Variants in SMG6 observed in about 807,000 individuals in gnomAD.
SMG6 encodes the protein SMG6 nonsense mediated mRNA decay factor.
A neutral mutation model predicts 142.2 loss-of-function variants in SMG6; 66 were observed. The ratio of observed to expected loss-of-function variants is 0.46; its 90% CI spans 0.38 to 0.57. The LOEUF is 0.57. SMG6 is among the 20% of genes least tolerant of loss of function. SMG6 has a pLI of 0.00. For synonymous variants in SMG6, 779 were observed against 702.4 expected (o/e 1.11, Z -1.72); for missense variants, 1,793 against 1,832.0 (o/e 0.98, Z 0.39).
At chr17:2,284,291 G>C (rs143423704) in intron 6 of SMG6, among the ~76,000 whole-genome samples, 28 of 152,262 alleles carry the variant, frequency 1.8e-4, no homozygotes, top group Middle Eastern at 6.8e-3. Context: ...GGTTTACAAA[G>C]TGTTGTCCAC....
At chr17:2,211,556 C>T (rs1483856573) in intron 10 of SMG6, among the ~76,000 whole-genome samples, 2 of 150,832 alleles carry the variant, frequency 1.3e-5, no homozygotes, top group South Asian at 2.1e-4. Context: ...CTCAGCTACT[C>T]GGGAGGCTGA....
At chr17:2,225,278 G>C (rs1035904401) in intron 10 of SMG6, among the ~76,000 whole-genome samples, 5 of 147,980 alleles carry the variant, frequency 3.4e-5, no homozygotes, top group African/African-American at 1.3e-4. Context: ...AGGAGTTCGA[G>C]ACCAACCTGG....
At chr17:2,213,591 T>C (rs748108780) in intron 10 of SMG6, 1 of 152,206 alleles carries the variant, frequency 6.6e-6, no homozygotes, top group Non-Finnish European at 1.5e-5. Context: ...AGAATGAGGA[T>C]GCACTGCCAA....
At position 2,081,968 on chromosome 17, in the gene SMG6, G is replaced by A. The variant is rs762521760; in HGVS notation, c.3535-12C>T. On this transcript the variant is annotated splice_polypyrimidine_tract_variant and intron_variant, in intron 14 of 18. Transcript: ENST00000263073. ...ACCACATCCTCCTCCTTTGGGTGGT[G>A]GAGCCGACCAGGACAAAGAGGAGAC... 2.0e-5 allele frequency: 32 copies of A among 1,614,000 alleles called. No individual in the cohort carries two copies. In the South Asian group the frequency reaches 3.2e-4, roughly 16 times the overall value.
chr17:2,297,899 T>C lies in SMG6; in HGVS notation c.2004A>G (p.Glu668=), dbSNP rs775530680. 6.2e-7 allele frequency: 1 copy of C among 1,612,596 alleles called. No individual in the cohort carries two copies. Among genetic ancestry groups the C allele is most frequent in the African/African-American group, 1.3e-5 (1 of 75,062 alleles). ...LVKDPNVENP[E]QIRNRLLELL... is the part of the protein sequence containing the mutation. The stretch of plus-strand genomic sequence containing the variant: ...GCTCCAAAAGTCTGTTCCGAATCTG[T>C]TCTGGGTTCTCAACATTCGGATCCT... The change falls in exon 3 of 19, where the codon GAA becomes GAG. Residue 668 remains glutamate, a synonymous_variant. Transcript: ENST00000263073.
At chr17:2,225,211 C>T (rs1247089617) in intron 10 of SMG6, among the ~76,000 whole-genome samples, 1 of 151,886 alleles carries the variant, frequency 6.6e-6, no homozygotes, top group Non-Finnish European at 1.5e-5. Flanking sequence ...GGCGCAGTGG[C>T]TCACACCTGT....
At position 2,060,575 on chromosome 17, in the gene SMG6, G is replaced by A. The variant is rs962930037; in HGVS notation, c.*917C>T. On this transcript the variant is annotated 3_prime_UTR_variant, in exon 19 of 19. Transcript: ENST00000263073. ...GTGAAGAAATGAAGGGGATCAGGGA[G>A]GTGAAAAGGATCAACTAGAAGGGGA... 1 of 152,386 alleles carries A rather than the reference G, an allele frequency of 6.6e-6. No homozygotes were observed. Among genetic ancestry groups the A allele is most frequent in the African/African-American group, 2.4e-5 (1 of 41,432 alleles). 9.4% of individuals were successfully genotyped at this position (152,386 alleles called of 1,614,324 possible).
intron 9 of SMG6, among the ~76,000 whole-genome samples, chr17:2,240,516 T>C (rs1394827705): frequency 6.6e-6 from 1 of 151,682 alleles, no homozygotes; most frequent in Admixed American, 6.6e-5. Flanking sequence ...CTACAGAACA[T>C]AAGGACTGGA....
intron 13 of SMG6, among the ~76,000 whole-genome samples, chr17:2,123,177 C>G (rs1435978661): frequency 6.6e-6 from 1 of 152,222 alleles, no homozygotes; most frequent in Non-Finnish European, 1.5e-5. Flanking sequence ...AAGGGCTTCC[C>G]CAGGCCTGGG....
At chr17:2,272,551 A>G (rs910124260) in intron 8 of SMG6, among the ~76,000 whole-genome samples, 1 of 152,216 alleles carries the variant, frequency 6.6e-6, no homozygotes, top group Non-Finnish European at 1.5e-5. Context: ...ACATGCACAG[A>G]GCAGCACAAA....
chr17:2,173,960 A>G (rs1307537213), intron 12 of SMG6, among the ~76,000 whole-genome samples: 1 of 151,098 alleles, frequency 6.6e-6, no homozygotes, highest in East Asian at 1.9e-4. Flanking sequence ...AAAGCACCTA[A>G]CCAGGAGTCT....
intron 13 of SMG6, among the ~76,000 whole-genome samples, chr17:2,154,950 C>A (rs2070955031): frequency 6.6e-6 from 1 of 151,952 alleles, no homozygotes; most frequent in Non-Finnish European, 1.5e-5. Context: ...TGGGAGGATC[C>A]CTTGAGCTCA....
chr17:2,277,996 C>T (rs561830614), intron 8 of SMG6, among the ~76,000 whole-genome samples: 166 of 152,096 alleles, frequency 1.1e-3, no homozygotes, highest in African/African-American at 3.7e-3. Flanking sequence ...TCCAGTGGGC[C>T]GTGACCATGC....
intron 15 of SMG6, among the ~76,000 whole-genome samples, chr17:2,080,664 C>T (rs1225192396): frequency 2.7e-5 from 4 of 149,596 alleles, no homozygotes; most frequent in Admixed American, 2.7e-4. Context: ...GAGATGGAGT[C>T]TCACCCTGTA....
chr17:2,251,019 G>T lies in SMG6; in HGVS notation c.2662-6300C>A, dbSNP rs549442480. Among the ~76,000 whole-genome samples the T allele has an allele frequency of 6.6e-5, 10 of 151,976 alleles. No homozygotes were observed. The East Asian group carries it at 1.9e-3, about 29-fold the overall frequency. ...ACAAAGATAAATAACATACCAACTT[G>T]CCCACTGGCCATTTATGCTCCCACA... On this transcript the variant is annotated intron_variant, in intron 8 of 18. Transcript: ENST00000263073.
At chr17:2,149,731 T>C (rs1020902499) in intron 13 of SMG6, among the ~76,000 whole-genome samples, 1 of 152,202 alleles carries the variant, frequency 6.6e-6, no homozygotes, top group African/African-American at 2.4e-5. Flanking sequence ...ACTGCTTCAG[T>C]TGTCTTTTTA....
chr17:2,086,879 C>G (rs1011802661), intron 13 of SMG6, among the ~76,000 whole-genome samples: 1 of 152,194 alleles, frequency 6.6e-6, no homozygotes. Flanking sequence ...AGGGGCCCTG[C>G]TGGATCTGGA....
At chr17:2,096,407 C>T (rs2068856401) in intron 13 of SMG6, among the ~76,000 whole-genome samples, 1 of 152,200 alleles carries the variant, frequency 6.6e-6, no homozygotes, top group Admixed American at 6.5e-5. Flanking sequence ...TGTGGTTTCA[C>T]CATGTTGGCC....
intron 13 of SMG6, among the ~76,000 whole-genome samples, chr17:2,117,425 CTAGAT>C (rs2069542542): frequency 6.6e-6 from 1 of 152,096 alleles, no homozygotes; most frequent in Admixed American, 6.5e-5. Context: ...CAAATAACTA[CTAGAT>C]TAAATTCTAA....
Sources: gnomAD v4.1 joint callset for allele counts (sites outside exome capture counted in the v4.1 genomes callset) on GRCh38, gnomAD v4.1.1 for gene constraint, MANE v1.5 for transcripts, NCBI Gene and HGNC (gene_info 2026-07-23, HGNC 2026-07-21) for gene names.